AHDC1: variants seen among roughly 807,000 people sequenced by gnomAD.
The protein encoded by AHDC1 is AT-hook DNA binding motif containing 1, also known as transcription factor Gibbin.
AHDC1 carries 7 observed loss-of-function variants against 87.9 expected under a neutral mutation model. The ratio of observed to expected loss-of-function variants is 0.08; its 90% CI spans 0.05 to 0.15. The LOEUF is 0.15. Ranked by LOEUF, AHDC1 falls within the 10% of genes least tolerant of loss-of-function variation. AHDC1 has a pLI of 1.00. For missense variants in AHDC1, 1,841 were observed against 2,253.2 expected, an observed-to-expected ratio of 0.82 and a Z score of 3.70; for synonymous variants, 1,051 against 1,006.8, an observed-to-expected ratio of 1.04 and a Z score of -0.83.
rs144941412 is a variant in AHDC1 at position 27,551,334 on chromosome 1, G to A, written c.782C>T (p.Ala261Val). Residue 261 changes from alanine (A) to valine (V), a missense_variant, in exon 8 of 9, where the codon GCC (alanine) becomes GTC (valine). Physicochemically the swap from Ala to Val is moderately conservative, Grantham distance 64. Transcript: ENST00000673934. ...GGGCGATGGTGGCTCGAGGGCCTGG[G>A]CCTCTAGCAGCTGGGCCTCTGGGCA... ...LTCPEAQLLE[A>V]QALEPPSPEP... 4.7e-4 allele frequency: 761 copies of A among 1,613,238 alleles called. No homozygotes were observed. Among genetic ancestry groups the A allele is most frequent in the Non-Finnish European group, 6.1e-4 (722 of 1,179,882 alleles).
chr1:27,594,949 G>T (rs1443642486), intron 3 of AHDC1, among the ~76,000 whole-genome samples: 1 of 151,996 alleles, frequency 6.6e-6, no homozygotes, highest in Non-Finnish European at 1.5e-5. Context: ...GGTGTCCCTG[G>T]GCCCTTAGGT....
chr1:27,559,202 C>T (rs1389207957), intron 3 of AHDC1, among the ~76,000 whole-genome samples: 1 of 152,050 alleles, frequency 6.6e-6, no homozygotes, highest in African/African-American at 2.4e-5. Flanking sequence ...CAGGTATGCA[C>T]CACCATGCCT....
chr1:27,548,711 G>C lies in AHDC1; in HGVS notation c.3405C>G (p.His1135Gln), dbSNP rs141366276. The change falls in exon 8 of 9, where the codon CAC becomes CAG. Residue 1135 changes from histidine to glutamine, a missense_variant. Physicochemically the swap from His to Gln is conservative, Grantham distance 24. Transcript: ENST00000673934. ...CCAGGATCACGTTGGGCTCGCTGAC[G>C]TGGCAGTCAAAACTGGGATTGTAGA... is the stretch of plus-strand genomic sequence containing the variant. ...SQLYNPSFDC[H>Q]VSEPNVILDI... 2 of 1,613,230 alleles carry C rather than the reference G, an allele frequency of 1.2e-6. No homozygotes were observed. Among genetic ancestry groups the C allele is most frequent in the Non-Finnish European group, 1.7e-6 (2 of 1,180,048 alleles).
chr1:27,571,212 C>T (rs948673521), intron 3 of AHDC1, among the ~76,000 whole-genome samples: 17 of 152,168 alleles, frequency 1.1e-4, no homozygotes, highest in Admixed American at 7.9e-4. Flanking sequence ...TCTGCCACCC[C>T]AAATGTCCCA....
intron 3 of AHDC1, among the ~76,000 whole-genome samples, chr1:27,572,538 A>G (rs1052796432): frequency 6.6e-6 from 1 of 152,182 alleles, no homozygotes; most frequent in Admixed American, 6.5e-5. Flanking sequence ...CCAGCCACAC[A>G]TGCACTGTTC....
chr1:27,602,471 T>C (rs1414492309), intron 3 of AHDC1, among the ~76,000 whole-genome samples: 1 of 152,126 alleles, frequency 6.6e-6, no homozygotes, highest in Non-Finnish European at 1.5e-5. Flanking sequence ...TGCTGTCCCT[T>C]TTCCTGTAGA....
At chr1:27,592,729 C>A (rs2148477516) in intron 3 of AHDC1, among the ~76,000 whole-genome samples, 1 of 152,292 alleles carries the variant, frequency 6.6e-6, no homozygotes, top group South Asian at 2.1e-4. Context: ...AATGGAGGGG[C>A]CGGAACGCAG....
At chr1:27,584,001 G>C (rs747619769) in intron 3 of AHDC1, among the ~76,000 whole-genome samples, 1 of 152,188 alleles carries the variant, frequency 6.6e-6, no homozygotes, top group Non-Finnish European at 1.5e-5. Context: ...GATCTGCAGT[G>C]ACTGGAAACA....
chr1:27,548,805 C>T lies in AHDC1; in HGVS notation c.3311G>A (p.Gly1104Glu). 1.2e-6 allele frequency: 2 copies of T among 1,612,856 alleles called. No homozygotes were observed. The highest frequency in any genetic ancestry group is 1.7e-6 in the Non-Finnish European group (2 of 1,179,806). The change falls in exon 8 of 9, where the codon GGG (glycine) becomes GAG (glutamate). Residue 1104 changes from glycine to glutamate, a missense_variant. By Grantham distance (98) the Gly-to-Glu change is moderately conservative. Transcript: ENST00000673934. ...CTGCCGGAAAGGCCACTGAGAAGCC[C>T]CCGCAAACTGCCGACAGTTCTCGGG... ...PSPENCRQFA[G>E]ASQWPFRQGY...
At chr1:27,600,436 G>C (rs1250468889) in intron 3 of AHDC1, among the ~76,000 whole-genome samples, 1 of 149,312 alleles carries the variant, frequency 6.7e-6, no homozygotes, top group African/African-American at 2.5e-5. Flanking sequence ...GCTGGCATGA[G>C]ACACAGAGCT....
intron 5 of AHDC1, among the ~76,000 whole-genome samples, chr1:27,556,079 C>T (rs908262475): frequency 1.3e-5 from 2 of 152,162 alleles, no homozygotes; most frequent in African/African-American, 2.4e-5. Flanking sequence ...TCTGAGCTTG[C>T]CCATAGGGAC....
In AHDC1 at chr1:27,549,219, G is replaced by C; in HGVS notation, c.2897C>G (p.Thr966Ser). 3 of 1,603,520 alleles carry C rather than the reference G, an allele frequency of 1.9e-6. No individual in the cohort carries two copies. The East Asian group carries it at 6.7e-5, about 36-fold the overall frequency. ...ATAGCCGCCGTACTGGGGCAGGTAG[G>C]TGTTGGCAGGCGGGTGGGTGGTAGG... ...RSPTTHPPANTYLPQYGGYGA... is the reference protein window; with the variant it reads ...RSPTTHPPANSYLPQYGGYGA... Residue 966 changes from threonine (T) to serine (S), a missense_variant, in exon 8 of 9, where the codon ACC (threonine) becomes AGC (serine). Thr to Ser is a moderately conservative substitution (Grantham distance 58). This residue lies in a region of AHDC1 where 378 missense variants were observed against 399.0 expected (regional missense o/e 0.95). Coordinates refer to ENST00000673934, the MANE Select transcript of AHDC1 (RefSeq NM_001371928.1).
At chr1:27,553,336 A>G (rs1195114691) in intron 5 of AHDC1, 151 bp from the exon 6 acceptor site, 1 of 152,276 alleles carries the variant, frequency 6.6e-6, no homozygotes, top group Admixed American at 6.5e-5. Context: ...AGATGAAGAA[A>G]TGGAGGCTCA....
In AHDC1 at chr1:27,550,882, G is replaced by A. The variant is rs773678949; in HGVS notation, c.1234C>T (p.Arg412Cys). Residue 412 changes from arginine to cysteine, a missense_variant, in exon 8 of 9, where the codon CGC becomes TGC. Arg to Cys is a radical substitution (Grantham distance 180, BLOSUM62 -3). Transcript: ENST00000673934. ...GRKADAGPEG[R>C]LLPLPMPTGL... ...GTGGGCATAGGCAGGGGCAGTAGGC[G>A]GCCCTCGGGTCCGGCGTCTGCCTTG... The A allele has an allele frequency of 3.1e-5, 49 of 1,583,538 alleles. 2 individuals are homozygous for A. The South Asian group carries it at 4.0e-4, about 13-fold the overall frequency.
chr1:27,556,181 C>A (rs533106808), intron 5 of AHDC1, among the ~76,000 whole-genome samples: 4 of 151,356 alleles, frequency 2.6e-5, no homozygotes, highest in Non-Finnish European at 5.9e-5. Context: ...CAGCCCCACC[C>A]TCCCCGGCTG....
At chr1:27,569,010 G>C (rs1035580480) in intron 3 of AHDC1, among the ~76,000 whole-genome samples, 12 of 152,012 alleles carry the variant, frequency 7.9e-5, no homozygotes, top group Non-Finnish European at 1.6e-4. Flanking sequence ...CCAGAAATCG[G>C]CCGTAAGAAG....
At chr1:27,597,146 G>A (rs1297572316) in intron 3 of AHDC1, among the ~76,000 whole-genome samples, 1 of 152,202 alleles carries the variant, frequency 6.6e-6, no homozygotes, top group African/African-American at 2.4e-5. Context: ...AGAGTATGGG[G>A]GTGGGGGGCA....
intron 8 of AHDC1, among the ~76,000 whole-genome samples, chr1:27,541,101 T>C (rs1414190344): frequency 6.6e-6 from 1 of 150,864 alleles, no homozygotes; most frequent in African/African-American, 2.4e-5. Context: ...GGGTGCGTGC[T>C]TGGAGCAGGG....
intron 8 of AHDC1, among the ~76,000 whole-genome samples, chr1:27,546,247 G>A: frequency 6.6e-6 from 1 of 152,208 alleles, no homozygotes; most frequent in East Asian, 1.9e-4. Flanking sequence ...AGTGGCGGCT[G>A]TATTTCGGGA....
Sources: allele counts gnomAD v4.1 joint callset (sites outside exome capture counted in the v4.1 genomes callset), GRCh38; gene constraint gnomAD v4.1.1; regional missense constraint gnomAD v4.1.1; transcripts MANE v1.5; gene names NCBI Gene and HGNC (gene_info 2026-07-23, HGNC 2026-07-21).